TRABD: variants seen among roughly 807,000 people sequenced by gnomAD.
The protein encoded by TRABD is TraB domain containing.
Under a neutral mutation model 39.6 loss-of-function variants are expected in TRABD, and 23 were observed. That is an observed-to-expected ratio of 0.58 (90% CI 0.42 to 0.82). The LOEUF (loss-of-function observed/expected upper bound fraction) is 0.82. Ranked by LOEUF, TRABD falls within the 40% of genes least tolerant of loss-of-function variation. TRABD has a pLI of 0.00. For synonymous variants in TRABD, 243 were observed against 232.1 expected (o/e 1.05, Z -0.43); for missense variants, 487 against 544.9 (o/e 0.89, Z 1.06).
chr22:50,193,720 A>G, intron 3 of TRABD, 66 bp downstream of exon 3: 5 of 1,497,988 alleles, frequency 3.3e-6, no homozygotes, highest in Non-Finnish European at 3.7e-6. Context: ...GAGGAGGGGG[A>G]GGCAGCCAAC....
At chr22:50,192,920 C>G in intron 1 of TRABD, 107 bp from the exon 2 acceptor site, 1 of 1,069,022 alleles carries the variant, frequency 9.4e-7, no homozygotes, top group Admixed American at 2.1e-5. Flanking sequence ...AAGGAGCCCC[C>G]AGGCCCACCC....
intron 7 of TRABD, 114 bp from the exon 8 acceptor site, chr22:50,197,709 C>G: frequency 6.4e-7 from 1 of 1,566,926 alleles, no homozygotes; most frequent in Non-Finnish European, 8.7e-7. Context: ...CCTTTCCTTC[C>G]GCCACAAATC....
intron 1 of TRABD, among the ~76,000 whole-genome samples, chr22:50,186,197 G>T (rs1035807291): frequency 6.2e-5 from 9 of 146,162 alleles, no homozygotes; most frequent in Admixed American, 2.0e-4. Context: ...CAGGTTTTGG[G>T]GCCGGGGGAG....
At position 50,198,543 on chromosome 22, in the gene TRABD, G is replaced by GC; in HGVS notation, c.*28dup. On this transcript the variant is annotated 3_prime_UTR_variant, in exon 10 of 10. Transcript: ENST00000380909. The surrounding 1 kb of genome is among the most constrained non-coding windows in gnomAD (Gnocchi z 7.9). ...AGGAGACTGCTCCCCGCCCGCTCGG[G>GC]CCCCTGAGGAGCCAGTGCCCCCGCG... The GC allele has an allele frequency of 6.7e-7, 1 of 1,495,666 alleles. No homozygotes were observed. Among genetic ancestry groups the GC allele is most frequent in the Admixed American group, 2.3e-5 (1 of 43,832 alleles). The allele number at this position is 1,495,666 out of a possible 1,614,324, so 92.6% of individuals were successfully genotyped here. A position where few individuals can be genotyped will look rare whatever the true frequency, so the allele number is the denominator to read the frequency against.
At chr22:50,195,163 G>C (rs1180723161) in intron 5 of TRABD, 123 bp downstream of exon 5, 2 of 1,296,990 alleles carry the variant, frequency 1.5e-6, no homozygotes, top group Non-Finnish European at 2.1e-6. Context: ...GCCTGCCCTG[G>C]GGATTGCCGG....
chr22:50,197,652 C>T (rs924656022), intron 7 of TRABD, 64 bp downstream of exon 7: 1 of 1,595,450 alleles, frequency 6.3e-7, no homozygotes, highest in African/African-American at 1.3e-5. Context: ...CCAGGCCCTC[C>T]TGTGCAGGTC....
chr22:50,199,339 G>A lies in TRABD; in HGVS notation c.*820G>A, dbSNP rs575965570. ...AGACAATGTGTGCACCTATGTGGAA[G>A]GCCAAGGACATGGGCTGTGGCCAGG... On this transcript the variant is annotated 3_prime_UTR_variant, in exon 10 of 10. Transcript: ENST00000380909. 2.1e-5 allele frequency: 11 copies of A among 529,852 alleles called. No individual in the cohort carries two copies. The highest frequency in any genetic ancestry group is 1.9e-4 in the African/African-American group (10 of 51,822). 32.8% of individuals were successfully genotyped at this position (529,852 alleles called of 1,614,324 possible). A position where few individuals can be genotyped will look rare whatever the true frequency, so the allele number is the denominator to read the frequency against.
chr22:50,198,608 C>A lies in TRABD; in HGVS notation c.*89C>A. ...CAGGTGCATCCTAGCCCGCCCGAGG[C>A]CCCTGCCACCCCCCATGGGGGTCTG... On this transcript the variant is annotated 3_prime_UTR_variant, in exon 10 of 10. Transcript: ENST00000380909. This position sits in a 1 kb window ranked among gnomAD's most constrained non-coding sequence, Gnocchi z 7.9. 1 of 1,326,300 alleles carries A rather than the reference C, an allele frequency of 7.5e-7. No individual in the cohort carries two copies. Among genetic ancestry groups the A allele is most frequent in the Admixed American group, 3.1e-5 (1 of 31,992 alleles). The allele number at this position is 1,326,300 out of a possible 1,614,324, so 82.2% of individuals were successfully genotyped here.
At chr22:50,196,288 C>T (rs1376557193) in intron 5 of TRABD, among the ~76,000 whole-genome samples, 1 of 152,196 alleles carries the variant, frequency 6.6e-6, no homozygotes, top group African/African-American at 2.4e-5. Flanking sequence ...CCTAAGTTAG[C>T]CTGGGCTCCC....
Sources: gnomAD v4.1 joint callset for allele counts (sites outside exome capture counted in the v4.1 genomes callset) on GRCh38, gnomAD v4.1.1 for gene constraint, Gnocchi (gnomAD v3.1) non-coding constraint, MANE v1.5 for transcripts, NCBI Gene and HGNC (gene_info 2026-07-23, HGNC 2026-07-21) for gene names.